The following DMD variants were observed in gnomAD, a reference collection of about 807,000 sequenced individuals.
DMD encodes the protein mutant dystrophin.
Under a neutral mutation model 330.1 loss-of-function variants are expected in DMD, and 63 were observed. That is an observed-to-expected ratio of 0.19 (90% CI 0.16 to 0.24). The LOEUF (loss-of-function observed/expected upper bound fraction) is 0.24. Among genes scored for constraint, DMD ranks in the 10% least tolerant of loss-of-function variants. The pLI is 1.00. For synonymous variants in DMD, 1,223 were observed against 959.8 expected (o/e 1.27, Z -5.07); for missense variants, 3,344 against 2,684.1 (o/e 1.25, Z -5.43).
intron 7 of DMD, among the ~76,000 whole-genome samples, chrX:32,704,790 T>C (rs1430533575): frequency 2.7e-5 from 3 of 112,120 alleles, no homozygotes; most frequent in Admixed American, 9.5e-5. Context: ...AAACTAGCCA[T>C]AGCCAGAATG....
intron 1 of DMD, among the ~76,000 whole-genome samples, chrX:33,055,603 G>T (rs1211729092): frequency 8.9e-6 from 1 of 112,058 alleles, no homozygotes; most frequent in Non-Finnish European, 1.9e-5. Context: ...ATCAATTGGG[G>T]AAATGAGATA....
intron 63 of DMD, among the ~76,000 whole-genome samples, chrX:31,243,964 G>A (rs1401152947): frequency 1.0e-5 from 1 of 98,320 alleles, no homozygotes; most frequent in Admixed American, 1.1e-4. Context: ...TGAAGTAAGA[G>A]GCTACAAAAG....
At chrX:32,710,552 A>G (rs2065094502) in intron 7 of DMD, among the ~76,000 whole-genome samples, 1 of 111,654 alleles carries the variant, frequency 9.0e-6, no homozygotes, top group South Asian at 3.7e-4. Context: ...TTCAGATTGA[A>G]AATACTCAAG....
chrX:32,372,969 C>T (rs2097885404), intron 34 of DMD, among the ~76,000 whole-genome samples: 1 of 110,389 alleles, frequency 9.1e-6, no homozygotes, highest in South Asian at 3.9e-4. Flanking sequence ...TTCTTACCTG[C>T]AGCTGTCCCT....
intron 7 of DMD, among the ~76,000 whole-genome samples, chrX:32,743,159 C>G (rs765518945): frequency 3.6e-5 from 4 of 111,368 alleles, no homozygotes; most frequent in African/African-American, 1.3e-4. Context: ...CAGCCCCTCC[C>G]GGGATCTGCC....
At chrX:31,280,554 G>A (rs1746602164) in intron 62 of DMD, among the ~76,000 whole-genome samples, 1 of 111,598 alleles carries the variant, frequency 9.0e-6, no homozygotes, top group African/African-American at 3.3e-5. Context: ...GCCAAAAATC[G>A]CTGAACCACT....
Position 32,220,616 on chromosome X carries a change from T to C in DMD, c.6291-3553A>G, listed in dbSNP as rs193169393. ...TTATCATGACTACTTTTAAACTCTT[T>C]TCCACCAAGGAAAATTCCAAATGAA... On this transcript the variant is annotated intron_variant, in intron 43 of 78. Coordinates refer to ENST00000357033, the MANE Select transcript of DMD (RefSeq NM_004006.3). Among the ~76,000 whole-genome samples, 744 of 111,175 alleles carry C rather than the reference T, an allele frequency of 6.7e-3. 8 individuals carry two copies. The highest frequency in any genetic ancestry group is 0.024 in the African/African-American group (723 of 30,676).
At chrX:32,663,135 T>C (rs995942754) in intron 9 of DMD, among the ~76,000 whole-genome samples, 4 of 111,949 alleles carry the variant, frequency 3.6e-5, no homozygotes, top group African/African-American at 1.3e-4. Context: ...TGGAGTCTAC[T>C]AGAAAGCTTG....
At chrX:31,752,502 T>G (rs760139006) in intron 51 of DMD, among the ~76,000 whole-genome samples, 2 of 110,294 alleles carry the variant, frequency 1.8e-5, no homozygotes, top group Non-Finnish European at 3.8e-5. Flanking sequence ...GTGGGAAAGG[T>G]GTATTGTTGG....
chrX:32,648,903 T>C (rs184456900), intron 9 of DMD, among the ~76,000 whole-genome samples: 2 of 111,357 alleles, frequency 1.8e-5, no homozygotes, highest in Non-Finnish European at 1.9e-5. Context: ...GGAAAGTTGG[T>C]TTTTGTTCTT....
chrX:32,977,294 C>T (rs187923969), intron 2 of DMD, among the ~76,000 whole-genome samples: 62 of 110,428 alleles, frequency 5.6e-4, no homozygotes, highest in African/African-American at 1.7e-3. Context: ...AGCAAGACTC[C>T]ATCTCACAAA....
intron 7 of DMD, among the ~76,000 whole-genome samples, chrX:32,781,286 T>A (rs1209156608): frequency 9.0e-6 from 1 of 111,116 alleles, no homozygotes; most frequent in Admixed American, 9.6e-5. Context: ...GGGAACAAAC[T>A]CCACTGGAAC....
chrX:31,803,254 G>T (rs1451593712), intron 50 of DMD, among the ~76,000 whole-genome samples: 1 of 112,034 alleles, frequency 8.9e-6, no homozygotes, highest in Non-Finnish European at 1.9e-5. Context: ...GATGCTGTCA[G>T]CTAAAGGCAA....
At chrX:31,212,257 C>T (rs1268859480) in intron 64 of DMD, among the ~76,000 whole-genome samples, 2 of 108,222 alleles carry the variant, frequency 1.8e-5, no homozygotes, top group Non-Finnish European at 3.8e-5. Context: ...CCCAAGTATT[C>T]TAATACATCT....
At chrX:33,091,335 T>C (rs1163209605) in intron 1 of DMD, among the ~76,000 whole-genome samples, 1 of 111,656 alleles carries the variant, frequency 9.0e-6, no homozygotes. Flanking sequence ...GCAGGGATAC[T>C]TAACCAAAAG....
At chrX:32,983,499 C>A (rs1169738445) in intron 2 of DMD, among the ~76,000 whole-genome samples, 1 of 106,550 alleles carries the variant, frequency 9.4e-6, no homozygotes, top group Admixed American at 1.0e-4. Context: ...CCTACACCTG[C>A]ACATGTGATG....
At chrX:31,509,706 T>A (rs1445011419) in intron 55 of DMD, among the ~76,000 whole-genome samples, 2 of 112,198 alleles carry the variant, frequency 1.8e-5, no homozygotes, top group Non-Finnish European at 3.8e-5. Context: ...CTACTTTTCA[T>A]CTTTGCCATA....
At chrX:32,732,155 G>A (rs2067772275) in intron 7 of DMD, among the ~76,000 whole-genome samples, 1 of 111,370 alleles carries the variant, frequency 9.0e-6, no homozygotes, top group Non-Finnish European at 1.9e-5. Flanking sequence ...TGGAAGAAAG[G>A]GTATCAGTGA....
intron 2 of DMD, among the ~76,000 whole-genome samples, chrX:32,942,135 A>G (rs975611145): frequency 3.9e-5 from 3 of 77,762 alleles, no homozygotes; most frequent in African/African-American, 8.3e-5. Context: ...CTACGTGTAC[A>G]TAAGAGAGAC....
Sources: allele counts gnomAD v4.1 joint callset (sites outside exome capture counted in the v4.1 genomes callset), GRCh38; gene constraint gnomAD v4.1.1; transcripts MANE v1.5; gene names NCBI Gene and HGNC (gene_info 2026-07-23, HGNC 2026-07-21).